PTPN3: variants seen among roughly 807,000 people sequenced by gnomAD.
PTPN3 encodes tyrosine-protein phosphatase non-receptor type 3.
PTPN3 carries 96 observed loss-of-function variants against 132.7 expected under a neutral mutation model. The observed-to-expected ratio is 0.72, with a 90% CI of 0.61 to 0.86. The LOEUF (loss-of-function observed/expected upper bound fraction) is 0.86, where lower values mean the gene tolerates loss of function less well. PTPN3 is among the 40% of genes least tolerant of loss of function. PTPN3 has a pLI of 0.00. For synonymous variants in PTPN3, 398 were observed against 429.0 expected, an observed-to-expected ratio of 0.93 and a Z score of 0.89; for missense variants, 1,125 against 1,159.6, an observed-to-expected ratio of 0.97 and a Z score of 0.43.
chr9:109,431,668 G>C (rs1201502450), intron 10 of PTPN3, among the ~76,000 whole-genome samples: 1 of 152,248 alleles, frequency 6.6e-6, no homozygotes, highest in Non-Finnish European at 1.5e-5. Flanking sequence ...TTGGAAAATA[G>C]ATATATTGAA....
chr9:109,466,264 T>C (rs761196186), intron 1 of PTPN3, among the ~76,000 whole-genome samples: 3 of 152,176 alleles, frequency 2.0e-5, no homozygotes, highest in Non-Finnish European at 2.9e-5. Context: ...ATAGACTATA[T>C]AGCAGTACTG....
the PTPN3 span, among the ~76,000 whole-genome samples, chr9:109,524,056 G>A: frequency 6.6e-6 from 1 of 151,970 alleles, no homozygotes; most frequent in African/African-American, 2.4e-5. Flanking sequence ...GACCAGCTTG[G>A]GTAACATAAA....
intron 1 of PTPN3, among the ~76,000 whole-genome samples, chr9:109,477,735 C>T (rs1846752774): frequency 6.6e-6 from 1 of 152,226 alleles, no homozygotes; most frequent in Non-Finnish European, 1.5e-5. Flanking sequence ...GGGGCCGCTC[C>T]TACCTGATGA....
intron 7 of PTPN3, among the ~76,000 whole-genome samples, chr9:109,442,449 G>A (rs1844555061): frequency 6.6e-6 from 1 of 152,222 alleles, no homozygotes; most frequent in Non-Finnish European, 1.5e-5. Flanking sequence ...GATAAGCCAT[G>A]ATTCTATTAG....
At chr9:109,497,054 G>A (rs1847702032) in intron 1 of PTPN3, among the ~76,000 whole-genome samples, 2 of 152,118 alleles carry the variant, frequency 1.3e-5, no homozygotes, top group African/African-American at 4.8e-5. Flanking sequence ...GCCAACTTCT[G>A]GAGTTTCTGA....
At position 109,410,386 on chromosome 9, in the gene PTPN3, C is replaced by A; in HGVS notation, c.1343G>T (p.Ser448Ile). ...ESLSENNPAQ[S>I]YLTQKSSSSV... ...ACTGGATGACTTCTGGGTCAGGTAGCTTTGTGCCGGATTGTTCTCGGATAA... is the reference window on the plus strand; with the variant it reads ...ACTGGATGACTTCTGGGTCAGGTAGATTTGTGCCGGATTGTTCTCGGATAA... Residue 448 changes from serine (S) to isoleucine (I), a missense_variant, in exon 15 of 26, where the codon AGC becomes ATC. Coordinates refer to ENST00000374541, the MANE Select transcript of PTPN3 (RefSeq NM_002829.4). The A allele has an allele frequency of 6.2e-7, 1 of 1,614,152 alleles. No individual in the cohort carries two copies.
chr9:109,417,645 G>A, intron 14 of PTPN3: 1 of 984,826 alleles, frequency 1.0e-6, no homozygotes, highest in African/African-American at 1.8e-5. Flanking sequence ...TGAAGACCCA[G>A]CACAAAGTGG....
Position 109,381,774 on chromosome 9 carries a change from G to A in PTPN3, c.2542C>T (p.Arg848Ter), listed in dbSNP as rs1398139979. 10 of 1,614,078 alleles carry A rather than the reference G, an allele frequency of 6.2e-6. No homozygotes were observed. Among genetic ancestry groups the A allele is most frequent in the Admixed American group, 3.3e-5 (2 of 60,008 alleles). ...VLVHCSAGIGRTGVLVTMETA... is the reference protein window; with the variant it reads ...VLVHCSAGIG The stretch of plus-strand genomic sequence containing the variant: ...TCCATAGTGACCAACACACCGGTTC[G>A]ACCTATTCCAGCACTGGAGAGGGGA... Residue 848 changes from arginine to a stop codon, truncating the protein, a stop_gained, in exon 25 of 26, where the codon CGA (arginine) becomes TGA (stop). Transcript: ENST00000374541. LOFTEE classifies it high-confidence loss of function.
chr9:109,532,822 G>T, the PTPN3 span: 2 of 862,426 alleles, frequency 2.3e-6, no homozygotes, highest in Non-Finnish European at 1.6e-6. Context: ...GAGATGATAA[G>T]TCGGAATTTA....
chr9:109,398,288 G>A (rs1455658247), intron 19 of PTPN3, among the ~76,000 whole-genome samples: 1 of 152,116 alleles, frequency 6.6e-6, no homozygotes, highest in Non-Finnish European at 1.5e-5. Flanking sequence ...CGGTCTAAAG[G>A]GTTCTAATCT....
chr9:109,409,924 T>A, intron 16 of PTPN3, 75 bp downstream of exon 16: 1 of 1,559,592 alleles, frequency 6.4e-7, no homozygotes, highest in Non-Finnish European at 8.7e-7. Context: ...ATGCAGCACA[T>A]TTGTAATGCA....
Position 109,457,193 on chromosome 9 carries a change from GC to G in PTPN3, c.268del (p.Ala90ProfsTer6). The G allele has an allele frequency of 6.2e-7, 1 of 1,613,920 alleles. No homozygotes were observed. The highest frequency in any genetic ancestry group is 8.5e-7 in the Non-Finnish European group (1 of 1,179,872). ...CCAACCTTTTAACTGCTTCCTGATG[GC>G]TTTGCTTGCTTCCAGCCATCTCTGT... The part of the protein sequence containing the change: ...DSPRWLEASK[A>X]IRKQLKGGFP... On this transcript the variant is annotated frameshift_variant, in exon 4 of 26. Coordinates refer to ENST00000374541, the MANE Select transcript of PTPN3 (RefSeq NM_002829.4). LOFTEE classifies it high-confidence loss of function.
At chr9:109,387,134 C>T (rs1026554848) in intron 22 of PTPN3, among the ~76,000 whole-genome samples, 3 of 152,188 alleles carry the variant, frequency 2.0e-5, no homozygotes, top group African/African-American at 7.2e-5. Flanking sequence ...AGGTGCATGG[C>T]TGACAGCTTC....
At chr9:109,419,290 T>C (rs753508122) in intron 14 of PTPN3, among the ~76,000 whole-genome samples, 2 of 152,182 alleles carry the variant, frequency 1.3e-5, no homozygotes, top group African/African-American at 2.4e-5. Flanking sequence ...GGAAGGAGAT[T>C]TGCAATTCAC....
At chr9:109,404,684 C>T (rs1841416631) in intron 18 of PTPN3, 76 bp from the exon 19 acceptor site, 2 of 1,328,796 alleles carry the variant, frequency 1.5e-6, no homozygotes, top group South Asian at 2.9e-5. Flanking sequence ...ACAAATCACA[C>T]CTATGACACC....
intron 8 of PTPN3, among the ~76,000 whole-genome samples, chr9:109,437,845 T>C (rs1008066043): frequency 2.0e-5 from 3 of 152,222 alleles, no homozygotes; most frequent in Non-Finnish European, 2.9e-5. Context: ...AAAATGGGCA[T>C]TTCCTTCAGG....
In PTPN3 at chr9:109,410,002, A is replaced by G; in HGVS notation, c.1575T>C (p.Leu525=). 4 of 1,614,154 alleles carry G rather than the reference A, an allele frequency of 2.5e-6. No individual in the cohort carries two copies. The highest frequency in any genetic ancestry group is 3.4e-6 in the Non-Finnish European group (4 of 1,180,012). The change falls in exon 16 of 26, where the codon CTT becomes CTC. Residue 525 remains leucine (L), a synonymous_variant. Coordinates refer to ENST00000374541, the MANE Select transcript of PTPN3 (RefSeq NM_002829.4). ...CCTTTATAAATACACAACATACCTT[A>G]AGATTAAATCCAAATTTTCCATCTT... ...PDEDGKFGFN[L]KGGVDQKMPL...
chr9:109,383,243 T>C lies in PTPN3; in HGVS notation c.2382+180A>G, dbSNP rs1021088015. The stretch of plus-strand genomic sequence containing the variant: ...CTGGGCTGTTTGCACCTCGTGCCTG[T>C]TGTGACTAGGGCCACTGTGAACTCT... On this transcript the variant is annotated intron_variant, in intron 23 of 25. Transcript: ENST00000374541. 1.1e-5 allele frequency: 12 copies of C among 1,053,266 alleles called. No individual in the cohort carries two copies. The African/African-American group carries it at 1.4e-4, about 12-fold the overall frequency. 65.2% of individuals were successfully genotyped at this position (1,053,266 alleles called of 1,614,324 possible).
chr9:109,459,735 T>C (rs1050646846), intron 2 of PTPN3, among the ~76,000 whole-genome samples: 4 of 152,114 alleles, frequency 2.6e-5, no homozygotes, highest in Non-Finnish European at 1.5e-5. Context: ...CTTGATATGA[T>C]GCTCACTCGG....
Sources: gnomAD v4.1 joint callset for allele counts (sites outside exome capture counted in the v4.1 genomes callset) on GRCh38, gnomAD v4.1.1 for gene constraint, MANE v1.5 for transcripts, NCBI Gene and HGNC (gene_info 2026-07-23, HGNC 2026-07-21) for gene names.